METTL9: variants seen among roughly 807,000 people sequenced by gnomAD.
METTL9 encodes methyltransferase 9, His-X-His N1(pi)-histidine.
In METTL9, 10 loss-of-function variants were observed where a neutral mutation model predicts 36.0. The observed-to-expected ratio is 0.28, with a 90% confidence interval of 0.17 to 0.47. The LOEUF is 0.47. Ranked by LOEUF, METTL9 falls within the 20% of genes least tolerant of loss-of-function variation. The pLI, the probability that METTL9 is intolerant of heterozygous loss-of-function variation, is 0.99. For missense variants in METTL9, 246 were observed against 383.5 expected, an observed-to-expected ratio of 0.64 and a Z score of 3.00; for synonymous variants, 175 against 149.7, an observed-to-expected ratio of 1.17 and a Z score of -1.23.
intron 4 of METTL9, among the ~76,000 whole-genome samples, chr16:21,637,832 C>T (rs1345139347): frequency 6.6e-6 from 1 of 152,264 alleles, no homozygotes; most frequent in African/African-American, 2.4e-5. Context: ...GGCTGAAGTG[C>T]TCCTTGAGTG....
intron 1 of METTL9, among the ~76,000 whole-genome samples, chr16:21,608,835 CAT>C (rs1483919311): frequency 1.3e-5 from 2 of 152,166 alleles, no homozygotes; most frequent in African/African-American, 4.8e-5. Flanking sequence ...TCTCTACACA[CAT>C]GTAGTTCAGT....
chr16:21,597,231 G>C, upstream of METTL9: 1 of 1,284,188 alleles, frequency 7.8e-7, no homozygotes, highest in Non-Finnish European at 1.0e-6. Context: ...GAGGCTCTCT[G>C]AGAAGAGACA....
chr16:21,638,449 GC>G (rs1966162128), intron 4 of METTL9, among the ~76,000 whole-genome samples: 1 of 152,314 alleles, frequency 6.6e-6, no homozygotes, highest in South Asian at 2.1e-4. Flanking sequence ...ACTGAAGTAT[GC>G]TACATATCTC....
rs155030 is a variant in METTL9 at position 21,603,965 on chromosome 16, T to C, written c.165+4067T>C. On this transcript the variant is annotated intron_variant, in intron 1 of 4. Transcript: ENST00000358154. ...AAGAAAGAATTAAAATCCTTTTTTT[T>C]CCCCCAAATGAAAAAATACTTGGAC... Among the ~76,000 whole-genome samples the C allele has an allele frequency of 8.8e-3, 1,339 of 152,172 alleles. 45 individuals are homozygous for C. Among genetic ancestry groups the C allele is most frequent in the East Asian group, 0.083 (430 of 5,186 alleles).
In METTL9 at chr16:21,609,225, G is replaced by A. The variant is rs71374882; in HGVS notation, c.166-3420G>A. On this transcript the variant is annotated intron_variant, in intron 1 of 4. Transcript: ENST00000358154. ...AAATTGACAGAAACCCCATGGCAGC[G>A]ATCTCTGTGGTTATCCTTATGTTTC... Among the ~76,000 whole-genome samples the A allele has an allele frequency of 4.8e-3, 728 of 152,158 alleles. 6 individuals are homozygous for A. The highest frequency in any genetic ancestry group is 6.3e-3 in the Non-Finnish European group (430 of 68,002).
At chr16:21,652,667 G>A (rs1397982835) in intron 4 of METTL9, 1 of 1,256,948 alleles carries the variant, frequency 8.0e-7, no homozygotes. Flanking sequence ...TTTCAGAAGG[G>A]AAGAAGAGCT....
At chr16:21,622,513 C>T (rs1021487204) in intron 3 of METTL9, among the ~76,000 whole-genome samples, 2 of 152,240 alleles carry the variant, frequency 1.3e-5, no homozygotes, top group East Asian at 1.9e-4. Context: ...ATAATAATCA[C>T]TTGAATAGAT....
At chr16:21,638,238 A>T (rs1358268800) in intron 4 of METTL9, among the ~76,000 whole-genome samples, 1 of 152,184 alleles carries the variant, frequency 6.6e-6, no homozygotes, top group Non-Finnish European at 1.5e-5. Context: ...GAATCACTTG[A>T]ACCCTGGAGG....
intron 4 of METTL9, among the ~76,000 whole-genome samples, chr16:21,629,384 G>T (rs943186103): frequency 6.6e-6 from 1 of 152,098 alleles, no homozygotes; most frequent in African/African-American, 2.4e-5. Flanking sequence ...CTTCTGCCAT[G>T]CAAGGATACA....
At chr16:21,647,519 T>A in intron 4 of METTL9, 1 of 1,585,700 alleles carries the variant, frequency 6.3e-7, no homozygotes, top group Non-Finnish European at 8.6e-7. Flanking sequence ...ATGAGTGGGT[T>A]AATGGGCCTG....
chr16:21,601,488 A>G (rs1183181437), intron 1 of METTL9, among the ~76,000 whole-genome samples: 2 of 152,174 alleles, frequency 1.3e-5, no homozygotes, highest in African/African-American at 4.8e-5. Context: ...GATTACCCCT[A>G]CTGCAGCCAC....
chr16:21,639,823 A>G (rs1175918955), intron 4 of METTL9: 1 of 152,242 alleles, frequency 6.6e-6, no homozygotes, highest in African/African-American at 2.4e-5. Flanking sequence ...GATTTAAACC[A>G]TCAATGCAAA....
In METTL9 at chr16:21,655,467, C is replaced by G. The variant is rs756443301; in HGVS notation, c.*35C>G. ...GGTCGAAGTCTTCAGAGTCCGCACC[C>G]TCCGGGATGTGCCCTTGGAAGAGGG... is the stretch of plus-strand genomic sequence containing the variant. On this transcript the variant is annotated 3_prime_UTR_variant, in exon 5 of 5. Transcript: ENST00000358154. 6.4e-7 allele frequency: 1 copy of G among 1,562,872 alleles called. No homozygotes were observed. Among genetic ancestry groups the G allele is most frequent in the East Asian group, 2.2e-5 (1 of 44,482 alleles).
intron 4 of METTL9, among the ~76,000 whole-genome samples, chr16:21,633,033 C>T (rs905903200): frequency 4.6e-5 from 7 of 152,060 alleles, no homozygotes; most frequent in African/African-American, 1.2e-4. Flanking sequence ...TGGGTCTCCT[C>T]GATTAGAGTA....
intron 4 of METTL9, among the ~76,000 whole-genome samples, chr16:21,649,820 C>T (rs148511548): frequency 0.013 from 1,936 of 152,232 alleles, 20 homozygotes; most frequent in South Asian, 0.033. Context: ...GCAATCCTCT[C>T]ACTGCAGCCT....
At chr16:21,649,387 G>A (rs373772113) in intron 4 of METTL9, among the ~76,000 whole-genome samples, 1 of 152,166 alleles carries the variant, frequency 6.6e-6, no homozygotes, top group African/African-American at 2.4e-5. Context: ...ACAAGAGGGT[G>A]CAGTCACCTG....
rs971907583 is a variant in METTL9, at chr16:21,656,903, T to C, written c.*1471T>C. On this transcript the variant is annotated 3_prime_UTR_variant, in exon 5 of 5. Coordinates refer to ENST00000358154, the MANE Select transcript of METTL9 (RefSeq NM_016025.5). ...GATTTATGCAAAATTGTTATTGGTG[T>C]GTTCTAATGATTTTTTTCCAGGAAT... is the stretch of plus-strand genomic sequence containing the variant. The C allele has an allele frequency of 6.6e-6, 1 of 152,168 alleles. No homozygotes were observed. Among genetic ancestry groups the C allele is most frequent in the African/African-American group, 2.4e-5 (1 of 41,444 alleles). The allele number at this position is 152,168 out of a possible 1,614,324, so 9.4% of individuals were successfully genotyped here. A position where few individuals can be genotyped will look rare whatever the true frequency, so the allele number is the denominator to read the frequency against.
At chr16:21,625,685 C>T (rs1246129207) in intron 4 of METTL9, among the ~76,000 whole-genome samples, 1 of 151,950 alleles carries the variant, frequency 6.6e-6, no homozygotes, top group Non-Finnish European at 1.5e-5. Flanking sequence ...TTAGAAGAAA[C>T]GGGTTGATTT....
chr16:21,602,665 G>GTTTTTTTTTTTTTTTTTT (rs11415914), intron 1 of METTL9, among the ~76,000 whole-genome samples: 1 of 150,002 alleles, frequency 6.7e-6, no homozygotes, highest in Non-Finnish European at 1.5e-5. Context: ...CAAATAAAGT[G>GTTTTTTTTTTTTTTTTTT]TTTTTTTTTT....
Sources: gnomAD v4.1 joint callset for allele counts (sites outside exome capture counted in the v4.1 genomes callset) on GRCh38, gnomAD v4.1.1 for gene constraint, MANE v1.5 for transcripts, NCBI Gene and HGNC (gene_info 2026-07-23, HGNC 2026-07-21) for gene names.